SUMF1: variants seen among roughly 807,000 people sequenced by gnomAD.
SUMF1 encodes the protein sulfatase modifying factor 1.
In SUMF1, 48 loss-of-function variants were observed where a neutral mutation model predicts 47.6. The ratio of observed to expected loss-of-function variants is 1.01; its 90% CI spans 0.80 to 1.28. The LOEUF (loss-of-function observed/expected upper bound fraction) is 1.28, where lower values mean the gene tolerates loss of function less well. Ranked by LOEUF, SUMF1 falls within the 50% of genes most tolerant of loss-of-function variation. The probability of loss-of-function intolerance (pLI) is 0.00; values close to 1 mark genes in which losing one functional copy is unlikely to be tolerated. For synonymous variants in SUMF1, 230 were observed against 192.1 expected, an observed-to-expected ratio of 1.20 and a Z score of -1.63; for missense variants, 571 against 485.4, an observed-to-expected ratio of 1.18 and a Z score of -1.66.
chr3:4,247,465 G>A (rs911134376), intron 8 of SUMF1, among the ~76,000 whole-genome samples: 1 of 152,148 alleles, frequency 6.6e-6, no homozygotes, highest in African/African-American at 2.4e-5. Flanking sequence ...TTGTAAAGTG[G>A]CAATGTTCAC....
At chr3:4,136,510 T>C (rs1693935815) in intron 8 of SUMF1, among the ~76,000 whole-genome samples, 1 of 151,880 alleles carries the variant, frequency 6.6e-6, no homozygotes, top group African/African-American at 2.4e-5. Flanking sequence ...CCTAAAACCA[T>C]AAAAACCCTA....
intron 1 of SUMF1, among the ~76,000 whole-genome samples, chr3:4,457,074 AC>A (rs1451479861): frequency 3.8e-4 from 41 of 108,756 alleles, no homozygotes; most frequent in African/African-American, 1.1e-3. Context: ...ATATATATAT[AC>A]GTGTGTGTAT....
intron 8 of SUMF1, among the ~76,000 whole-genome samples, chr3:4,271,723 A>G (rs914391590): frequency 5.3e-4 from 81 of 152,082 alleles, no homozygotes; most frequent in Admixed American, 2.1e-3. Flanking sequence ...GCTACTCTCA[A>G]ACTCCTAGCC....
intron 8 of SUMF1, among the ~76,000 whole-genome samples, chr3:4,240,701 A>T (rs1696516487): frequency 6.6e-6 from 1 of 152,004 alleles, no homozygotes; most frequent in Admixed American, 6.6e-5. Context: ...CATTTCATAA[A>T]ATGTTATAAA....
chr3:4,044,136 A>G (rs1008803493), intron 9 of SUMF1, among the ~76,000 whole-genome samples: 1 of 152,180 alleles, frequency 6.6e-6, no homozygotes, highest in African/African-American at 2.4e-5. Context: ...GGTGTGATTG[A>G]AGAAAAGAAA....
At chr3:4,395,505 G>A (rs887637085) in intron 7 of SUMF1, among the ~76,000 whole-genome samples, 7 of 152,134 alleles carry the variant, frequency 4.6e-5, no homozygotes, top group Admixed American at 1.3e-4. Flanking sequence ...AAAAGGTGAC[G>A]CCCAAAGAAA....
intron 3 of SUMF1, among the ~76,000 whole-genome samples, chr3:4,447,715 G>C (rs1702828355): frequency 6.6e-6 from 1 of 152,124 alleles, no homozygotes. Flanking sequence ...AGCTTAAAAG[G>C]TTTGCTTTTC....
intron 8 of SUMF1, among the ~76,000 whole-genome samples, chr3:4,135,891 T>G (rs1370024535): frequency 6.6e-6 from 1 of 152,146 alleles, no homozygotes; most frequent in East Asian, 1.9e-4. Context: ...TCAAAGAGAA[T>G]AAAATACACA....
At chr3:4,154,240 G>T (rs538415729) in intron 8 of SUMF1, among the ~76,000 whole-genome samples, 1 of 151,442 alleles carries the variant, frequency 6.6e-6, no homozygotes. Context: ...GGTGGATTCT[G>T]GGTCTGAATT....
At chr3:4,309,298 C>G (rs1025508214) in intron 8 of SUMF1, among the ~76,000 whole-genome samples, 3 of 152,254 alleles carry the variant, frequency 2.0e-5, no homozygotes, top group South Asian at 4.2e-4. Flanking sequence ...ACCCCTGCCC[C>G]CTTCCCATCA....
At position 4,309,252 on chromosome 3, in the gene SUMF1, T is replaced by C. The variant is rs180812082; in HGVS notation, c.1014+67078A>G. Among the ~76,000 whole-genome samples, 168 of 152,292 alleles carry C rather than the reference T, an allele frequency of 1.1e-3. 1 individual carries two copies. The highest frequency in any genetic ancestry group is 3.8e-3 in the African/African-American group (157 of 41,566). ...CTTAAAGAGTCTGTTCTATCAGTAA[T>C]TCCAAAAGGGAAGAGGGTATAATGA... On this transcript the variant is annotated intron_variant and NMD_transcript_variant, in intron 8 of 12. Transcript: ENST00000448413.
rs1385263066 is a variant in SUMF1 at position 4,458,301 on chromosome 3, A to G, written c.271-5252T>C. ...GGTGAGAATGTAAATTAATACAGTGATTATGGAAAACAATATGGAGGTTCC... is the reference window on the plus strand; with the variant it reads ...GGTGAGAATGTAAATTAATACAGTGGTTATGGAAAACAATATGGAGGTTCC... On this transcript the variant is annotated intron_variant, in intron 1 of 8. Transcript: ENST00000272902. 3.3e-5 allele frequency among the ~76,000 whole-genome samples: 5 copies of G among 152,316 alleles called. No individual in the cohort carries two copies. The East Asian group carries it at 9.6e-4, about 29-fold the overall frequency.
chr3:4,081,067 T>G (rs1692549586), intron 8 of SUMF1, among the ~76,000 whole-genome samples: 1 of 152,142 alleles, frequency 6.6e-6, no homozygotes, highest in South Asian at 2.1e-4. Flanking sequence ...TGCCCAGGTT[T>G]CAAGACAAAG....
chr3:4,294,020 C>T (rs1237589801), intron 8 of SUMF1, among the ~76,000 whole-genome samples: 1 of 152,174 alleles, frequency 6.6e-6, no homozygotes, highest in African/African-American at 2.4e-5. Flanking sequence ...ACCCCTACCA[C>T]TCATACATGT....
At chr3:4,072,823 T>C (rs1316707660) in intron 8 of SUMF1, among the ~76,000 whole-genome samples, 3 of 151,934 alleles carry the variant, frequency 2.0e-5, no homozygotes, top group African/African-American at 7.3e-5. Flanking sequence ...CTCCAAGAAA[T>C]ATGGGACTAT....
At chr3:4,091,913 G>A (rs1337925486) in intron 8 of SUMF1, among the ~76,000 whole-genome samples, 2 of 151,432 alleles carry the variant, frequency 1.3e-5, no homozygotes, top group Non-Finnish European at 2.9e-5. Context: ...CATCTTCCAG[G>A]GACCATTAAG....
chr3:4,035,698 A>G (rs58397615), intron 9 of SUMF1, among the ~76,000 whole-genome samples: 3,660 of 152,294 alleles, frequency 0.024, 129 homozygotes, highest in African/African-American at 0.078. Flanking sequence ...TGTAAAATCA[A>G]TTCTGCTACT....
chr3:4,164,579 G>T (rs1315236503), intron 8 of SUMF1, among the ~76,000 whole-genome samples: 1 of 152,142 alleles, frequency 6.6e-6, no homozygotes, highest in Non-Finnish European at 1.5e-5. Flanking sequence ...AGCCCTACCA[G>T]GTTATTGGCC....
intron 7 of SUMF1, among the ~76,000 whole-genome samples, chr3:4,377,646 C>T (rs1322492154): frequency 6.6e-6 from 1 of 152,124 alleles, no homozygotes; most frequent in African/African-American, 2.4e-5. Context: ...CTAGGAAGGG[C>T]TTCAGATAAA....
Sources: allele counts gnomAD v4.1 joint callset (sites outside exome capture counted in the v4.1 genomes callset), GRCh38; gene constraint gnomAD v4.1.1; transcripts MANE v1.5; gene names NCBI Gene and HGNC (gene_info 2026-07-23, HGNC 2026-07-21).